The following TP63 variants were observed in gnomAD, a reference collection of about 807,000 sequenced individuals.
TP63 encodes tumor protein 63.
Under a neutral mutation model 82.8 loss-of-function variants are expected in TP63, and 17 were observed. The ratio of observed to expected loss-of-function variants is 0.21; its 90% CI spans 0.14 to 0.31. The LOEUF (loss-of-function observed/expected upper bound fraction) is 0.31, where lower values mean the gene tolerates loss of function less well. Among genes scored for constraint, TP63 ranks in the 10% least tolerant of loss-of-function variants. The pLI, the probability that TP63 is intolerant of heterozygous loss-of-function variation, is 1.00. For synonymous variants in TP63, 330 were observed against 321.7 expected (o/e 1.03, Z -0.28); for missense variants, 648 against 895.3 (o/e 0.72, Z 3.52).
At position 189,894,359 on chromosome 3, in the gene TP63, C is replaced by T. The variant is rs1283807013; in HGVS notation, c.1900C>T (p.Arg634Trp). The part of the protein sequence containing the change: ...STVSVGSSET[R>W]GERVIDAVRF... ...AGTCAGTGTGGGCTCCAGTGAGACC[C>T]GGGGTGAGCGTGTTATTGATGCTGT... is the stretch of plus-strand genomic sequence containing the variant. The change falls in exon 14 of 14, where the codon CGG (arginine) becomes TGG (tryptophan). Residue 634 changes from arginine to tryptophan, a missense_variant. This residue lies in a region of TP63 where 342 missense variants were observed against 425.7 expected (regional missense o/e 0.80). Coordinates refer to ENST00000264731, the MANE Select transcript of TP63 (RefSeq NM_003722.5). 1.1e-5 allele frequency: 18 copies of T among 1,613,904 alleles called. No homozygotes were observed. The highest frequency in any genetic ancestry group is 3.3e-5 in the South Asian group (3 of 91,066).
chr3:189,773,888 C>CACA (rs1419884126), intron 3 of TP63, among the ~76,000 whole-genome samples: 17 of 142,954 alleles, frequency 1.2e-4, no homozygotes, highest in South Asian at 4.7e-4. Flanking sequence ...GGTAAGAGAA[C>CACA]ACATATCCAT....
intron 4 of TP63, among the ~76,000 whole-genome samples, chr3:189,850,095 A>C (rs540901328): frequency 6.6e-6 from 1 of 152,300 alleles, no homozygotes; most frequent in African/African-American, 2.4e-5. Flanking sequence ...CAGCCTGACC[A>C]ACATGGCAGA....
the TP63 span, among the ~76,000 whole-genome samples, chr3:189,601,528 GA>G: frequency 6.6e-6 from 1 of 152,050 alleles, no homozygotes; most frequent in Non-Finnish European, 1.5e-5. Context: ...GGGTTCATTA[GA>G]AAATTCTGAA....
rs143800664 is a variant in TP63 at position 189,869,850 on chromosome 3, G to A, written c.1212+444G>A. On this transcript the variant is annotated intron_variant, in intron 9 of 13. Coordinates refer to ENST00000264731, the MANE Select transcript of TP63 (RefSeq NM_003722.5). ...AAATTTCCATCTGTGAACTTTGGAA[G>A]GACAGAAACCTTCAGTCCATAATGG... Among the ~76,000 whole-genome samples, 449 of 152,094 alleles carry A rather than the reference G, an allele frequency of 3.0e-3. 5 individuals carry two copies. The highest frequency in any genetic ancestry group is 0.01 in the African/African-American group (421 of 41,484).
At chr3:189,684,043 G>A (rs958614468) in intron 1 of TP63, among the ~76,000 whole-genome samples, 5 of 152,078 alleles carry the variant, frequency 3.3e-5, no homozygotes, top group Non-Finnish European at 1.5e-5. Flanking sequence ...TCATTATGAC[G>A]GTAATACAAG....
chr3:189,835,901 G>A (rs1432653760), intron 4 of TP63, among the ~76,000 whole-genome samples: 2 of 148,030 alleles, frequency 1.4e-5, no homozygotes, highest in African/African-American at 5.0e-5. Context: ...GCCACAGTGC[G>A]AGACTCCATC....
chr3:189,843,680 C>T (rs1280545758), intron 4 of TP63, among the ~76,000 whole-genome samples: 2 of 152,112 alleles, frequency 1.3e-5, no homozygotes, highest in African/African-American at 4.8e-5. Flanking sequence ...GCTCACTTTG[C>T]AGAATTCCCC....
intron 3 of TP63, among the ~76,000 whole-genome samples, chr3:189,783,856 G>A (rs1002637914): frequency 4.0e-5 from 6 of 151,868 alleles, no homozygotes; most frequent in African/African-American, 1.4e-4. Flanking sequence ...ATTTGGTGCA[G>A]TCTTTTTGGA....
intron 3 of TP63, among the ~76,000 whole-genome samples, chr3:189,772,202 T>G (rs1422130723): frequency 6.6e-6 from 1 of 152,240 alleles, no homozygotes; most frequent in East Asian, 1.9e-4. Flanking sequence ...TTGTTTTTCT[T>G]CATAACCTAA....
chr3:189,707,836 A>G (rs1367922585), intron 1 of TP63, among the ~76,000 whole-genome samples: 10 of 152,158 alleles, frequency 6.6e-5, no homozygotes, highest in Non-Finnish European at 1.5e-4. Flanking sequence ...GACCTTACCT[A>G]TTTTTTAGAG....
chr3:189,717,797 A>T (rs141003081), intron 1 of TP63, among the ~76,000 whole-genome samples: 2 of 152,264 alleles, frequency 1.3e-5, no homozygotes, highest in African/African-American at 4.8e-5. Context: ...TTAGCTTGAA[A>T]TTGGACCCAG....
chr3:189,885,064 T>C (rs75299575), intron 10 of TP63, among the ~76,000 whole-genome samples: 8,819 of 152,256 alleles, frequency 0.058, 353 homozygotes, highest in Non-Finnish European at 0.091. Context: ...CAGATAAAAC[T>C]CAAAGAAAAA....
chr3:189,628,873 C>T (rs1302827917), upstream of TP63, among the ~76,000 whole-genome samples: 3 of 152,052 alleles, frequency 2.0e-5, no homozygotes, highest in Non-Finnish European at 2.9e-5. Context: ...AGAGAGTTTG[C>T]CTCTTTTTCC....
At chr3:189,633,421 C>T (rs953376966) in intron 1 of TP63, among the ~76,000 whole-genome samples, 4 of 151,994 alleles carry the variant, frequency 2.6e-5, no homozygotes, top group Non-Finnish European at 4.4e-5. Flanking sequence ...TGTTGTTCCC[C>T]TCTATGTGTC....
In TP63 at chr3:189,641,989, G is replaced by A. The variant is rs372313989; in HGVS notation, c.62+10412G>A. Among the ~76,000 whole-genome samples, 14 of 152,242 alleles carry A rather than the reference G, an allele frequency of 9.2e-5. No homozygotes were observed. In the East Asian group the frequency reaches 2.5e-3, roughly 27 times the overall value. On this transcript the variant is annotated intron_variant, in intron 1 of 13. Transcript: ENST00000264731. ...ATTCTCACCTGAGTCAGGGCTATCT[G>A]ACCCAAAGATTTTACTGCTTCCCCC...
At chr3:189,660,944 A>C (rs551750554) in intron 1 of TP63, among the ~76,000 whole-genome samples, 2 of 151,942 alleles carry the variant, frequency 1.3e-5, no homozygotes, top group Non-Finnish European at 2.9e-5. Flanking sequence ...CTGAAACTTT[A>C]CTGATGTCAT....
intron 1 of TP63, among the ~76,000 whole-genome samples, chr3:189,675,602 G>A (rs1035971694): frequency 6.6e-6 from 1 of 151,968 alleles, no homozygotes; most frequent in East Asian, 1.9e-4. Context: ...TTTTTCGCTA[G>A]TCTACTCAGT....
chr3:189,780,223 G>A (rs562603129), intron 3 of TP63, among the ~76,000 whole-genome samples: 2 of 152,246 alleles, frequency 1.3e-5, no homozygotes, highest in African/African-American at 4.8e-5. Flanking sequence ...GGTCTACAGA[G>A]CTGCCAAATT....
At chr3:189,610,277 A>G in the TP63 span, among the ~76,000 whole-genome samples, 2 of 151,952 alleles carry the variant, frequency 1.3e-5, no homozygotes, top group Non-Finnish European at 2.9e-5. Context: ...TGGATATTAG[A>G]CCTTTGTCAG....
Sources: allele counts gnomAD v4.1 joint callset (sites outside exome capture counted in the v4.1 genomes callset), GRCh38; gene constraint gnomAD v4.1.1; regional missense constraint gnomAD v4.1.1; transcripts MANE v1.5; gene names NCBI Gene and HGNC (gene_info 2026-07-23, HGNC 2026-07-21).